The following HECTD4 variants were observed in gnomAD, a reference collection of about 807,000 sequenced individuals.
HECTD4 encodes the protein probable E3 ubiquitin-protein ligase HECTD4.
In HECTD4, 114 loss-of-function variants were observed where a neutral mutation model predicts 471.5. The observed-to-expected ratio is 0.24, with a 90% CI of 0.21 to 0.28. HECTD4 has a LOEUF of 0.28. HECTD4 is among the 10% of genes least tolerant of loss of function. The pLI is 1.00. For missense variants in HECTD4, 3,866 were observed against 5,651.5 expected (o/e 0.68, Z 10.13); for synonymous variants, 2,012 against 2,256.0 (o/e 0.89, Z 3.07).
intron 68 of HECTD4, 190 bp from the exon 69 acceptor site, chr12:112,170,642 C>T: frequency 1.7e-6 from 1 of 604,840 alleles, no homozygotes; most frequent in South Asian, 2.6e-5. Context: ...TCCCAGGAGA[C>T]ATCCAATTTC....
chr12:112,338,238 T>C (rs1468253), intron 1 of HECTD4, among the ~76,000 whole-genome samples: 55,748 of 152,126 alleles, frequency 0.37, 15,250 homozygotes, highest in East Asian at 0.85. Flanking sequence ...CTGTCTTATG[T>C]AGACACTTAT....
At position 112,200,646 on chromosome 12, in the gene HECTD4, T is replaced by A. The variant is rs1482550672; in HGVS notation, c.8559A>T (p.Gln2853His). The A allele has an allele frequency of 1.2e-6, 2 of 1,609,774 alleles. No homozygotes were observed. Among genetic ancestry groups the A allele is most frequent in the Non-Finnish European group, 1.7e-6 (2 of 1,177,190 alleles). ...GLVTLDNTNL[Q>H]IHRELLRCEA... ...GAAGGGCCCAATTGTACCTGTGAAT[T>A]TGAAGGTTGGTATTGTCCAGTGTGA... Residue 2853 changes from glutamine to histidine, a missense_variant, in exon 55 of 76, where the codon CAA (glutamine) becomes CAT (histidine). Gln to His is a conservative substitution (Grantham distance 24). Transcript: ENST00000682272.
chr12:112,209,879 C>G, intron 50 of HECTD4, 136 bp downstream of exon 50: 3 of 702,736 alleles, frequency 4.3e-6, no homozygotes, highest in Non-Finnish European at 7.4e-6. Flanking sequence ...AGGCCTGTGA[C>G]CCCATTACCA....
At position 112,235,221 on chromosome 12, in the gene HECTD4, G is replaced by A. The variant is rs755513621; in HGVS notation, c.5771C>T (p.Thr1924Ile). Reference protein sequence around the residue: ...LSPTASEPDTTLTKTSPKNSL... With the variant: ...LSPTASEPDTILTKTSPKNSL... Reference sequence around the variant, plus strand: ...ATTCTTGGGACTGGTTTTTGTCAATGTGGTGTCAGGTTCAGAAGCGGTTGG... The same window carrying A: ...ATTCTTGGGACTGGTTTTTGTCAATATGGTGTCAGGTTCAGAAGCGGTTGG... The change falls in exon 37 of 76, where the codon ACA (threonine) becomes ATA (isoleucine). Residue 1924 changes from threonine (T) to isoleucine (I), a missense_variant. Coordinates refer to ENST00000682272, the MANE Select transcript of HECTD4 (RefSeq NM_001388303.1). This position sits in a 1 kb window ranked among gnomAD's most constrained non-coding sequence, Gnocchi z 5.0. The A allele has an allele frequency of 1.1e-4, 174 of 1,613,842 alleles. 2 individuals are homozygous for A. The Middle Eastern group carries it at 1.3e-3, about 12-fold the overall frequency.
In HECTD4 at chr12:112,162,152, A is replaced by G; in HGVS notation, c.*235T>C. 2.0e-6 allele frequency: 1 copy of G among 506,758 alleles called. No individual in the cohort carries two copies. Among genetic ancestry groups the G allele is most frequent in the Non-Finnish European group, 3.5e-6 (1 of 283,452 alleles). The allele number at this position is 506,758 out of a possible 1,614,324, so 31.4% of individuals were successfully genotyped here. On this transcript the variant is annotated 3_prime_UTR_variant, in exon 76 of 76. Coordinates refer to ENST00000682272, the MANE Select transcript of HECTD4 (RefSeq NM_001388303.1). The surrounding 1 kb of genome is among the most constrained non-coding windows in gnomAD (Gnocchi z 5.2). ...ATTAGACACAAACTGTCTGGGAACT[A>G]AACTATCCTACAAATAGACCACAAA...
chr12:112,201,005 CATATT>C (rs1435455242), intron 54 of HECTD4: 38 of 593,726 alleles, frequency 6.4e-5, no homozygotes, highest in Middle Eastern at 3.0e-4. Flanking sequence ...TTTTGAAACA[CATATT>C]ATAAGTAATC....
At chr12:112,300,781 G>A (rs1046450605) in intron 7 of HECTD4, among the ~76,000 whole-genome samples, 1 of 151,546 alleles carries the variant, frequency 6.6e-6, no homozygotes, top group African/African-American at 2.4e-5. Context: ...AAAAATTTTT[G>A]TAGAGGTGGC....
chr12:112,226,702 A>G lies in HECTD4; in HGVS notation c.6911T>C (p.Ile2304Thr), dbSNP rs757362332. 2 of 1,613,330 alleles carry G rather than the reference A, an allele frequency of 1.2e-6. No individual in the cohort carries two copies. Among genetic ancestry groups the G allele is most frequent in the Non-Finnish European group, 1.7e-6 (2 of 1,179,550 alleles). ...LEDSLFCEEF[I>T]QQCPAAVEVL... ...TTCAACAGCTGCTGGACATTGTTGTATGAATTCTTCACAAAATAAGCTGTC... is the reference window on the plus strand; with the variant it reads ...TTCAACAGCTGCTGGACATTGTTGTGTGAATTCTTCACAAAATAAGCTGTC... Residue 2304 changes from isoleucine to threonine, a missense_variant, in exon 44 of 76, where the codon ATA becomes ACA. Ile to Thr is a moderately conservative substitution (Grantham distance 89). Transcript: ENST00000682272.
intron 62 of HECTD4, among the ~76,000 whole-genome samples, chr12:112,181,304 T>C (rs950603265): frequency 2.6e-5 from 4 of 152,156 alleles, no homozygotes; most frequent in Admixed American, 2.6e-4. Context: ...ATTTTAACAC[T>C]TTGCTGATCA....
intron 72 of HECTD4, among the ~76,000 whole-genome samples, chr12:112,164,958 G>A (rs2030876018): frequency 6.9e-6 from 1 of 144,068 alleles, no homozygotes; most frequent in African/African-American, 2.6e-5. Context: ...ACAGATTCTC[G>A]CTCTGTCAGC....
chr12:112,256,845 C>A, intron 20 of HECTD4: 4 of 158,552 alleles, frequency 2.5e-5, no homozygotes, highest in East Asian at 1.9e-4. Flanking sequence ...GATCAATTCT[C>A]ATTTAAAGGT....
chr12:112,193,310 G>C lies in HECTD4; in HGVS notation c.8956-119C>G. The C allele has an allele frequency of 1.7e-5, 24 of 1,381,444 alleles. No individual in the cohort carries two copies. The highest frequency in any genetic ancestry group is 2.4e-5 in the Non-Finnish European group (24 of 1,006,484). The allele number at this position is 1,381,444 out of a possible 1,614,324, so 85.6% of individuals were successfully genotyped here. The stretch of plus-strand genomic sequence containing the variant: ...CGACTAAATAGCCCTCTGGAAGGAA[G>C]CAAGCTACAGATGAGATAAAGCAGA... On this transcript the variant is annotated intron_variant, in intron 57 of 75. Transcript: ENST00000682272. The surrounding 1 kb of genome is among the most constrained non-coding windows in gnomAD (Gnocchi z 5.2).
chr12:112,297,737 T>G (rs927877252), intron 7 of HECTD4, among the ~76,000 whole-genome samples: 14 of 152,084 alleles, frequency 9.2e-5, no homozygotes, highest in African/African-American at 3.4e-4. Flanking sequence ...AAGTCTAATA[T>G]TCTGTGCACA....
At chr12:112,350,284 T>C (rs955357648) in intron 1 of HECTD4, among the ~76,000 whole-genome samples, 38 of 152,218 alleles carry the variant, frequency 2.5e-4, no homozygotes, top group African/African-American at 4.8e-5. Flanking sequence ...AAATGTCTTC[T>C]TAGAACTCTA....
chr12:112,319,713 C>T lies in HECTD4; in HGVS notation c.207G>A (p.Ser69=), dbSNP rs527310508. 5.0e-5 allele frequency: 62 copies of T among 1,249,288 alleles called. No homozygotes were observed. Among genetic ancestry groups the T allele is most frequent in the Admixed American group, 7.7e-5 (2 of 26,010 alleles). The allele number at this position is 1,249,288 out of a possible 1,614,324, so 77.4% of individuals were successfully genotyped here. The change falls in exon 2 of 76, where the codon TCG becomes TCA. Residue 69 remains serine, a synonymous_variant. Transcript: ENST00000682272. The surrounding 1 kb of genome is among the most constrained non-coding windows in gnomAD (Gnocchi z 5.3). ...CAGAGCGCAAACGTTCTGCTAATTCCGACGGGTTCTTGGTCTCAAAGGTTA... is the reference window on the plus strand; with the variant it reads ...CAGAGCGCAAACGTTCTGCTAATTCTGACGGGTTCTTGGTCTCAAAGGTTA... The part of the protein sequence containing the change: ...EILTFETKNP[S]ELAERLRSVC...
At chr12:112,177,626 C>A (rs1028240070) in intron 64 of HECTD4, among the ~76,000 whole-genome samples, 1 of 152,142 alleles carries the variant, frequency 6.6e-6, no homozygotes, top group Non-Finnish European at 1.5e-5. Context: ...GTGAACCGCC[C>A]ATCTCGGCCT....
At chr12:112,259,859 T>G (rs1428765703) in intron 18 of HECTD4, among the ~76,000 whole-genome samples, 3 of 152,152 alleles carry the variant, frequency 2.0e-5, no homozygotes, top group African/African-American at 7.2e-5. Flanking sequence ...TTGATTCACC[T>G]GCCCAGAGCT....
At chr12:112,325,875 CTGGAGTGCAGTGG>C (rs2035732431) in intron 1 of HECTD4, among the ~76,000 whole-genome samples, 1 of 150,948 alleles carries the variant, frequency 6.6e-6, no homozygotes. Flanking sequence ...ACCCAGGCTG[CTGGAGTGCAGTGG>C]AACGATCATG....
At chr12:112,180,805 C>T (rs766542597) in intron 62 of HECTD4, among the ~76,000 whole-genome samples, 1 of 152,136 alleles carries the variant, frequency 6.6e-6, no homozygotes, top group Non-Finnish European at 1.5e-5. Context: ...GCAAAACGCA[C>T]GCCAATGTGG....
Sources: gnomAD v4.1 joint callset for allele counts (sites outside exome capture counted in the v4.1 genomes callset) on GRCh38, gnomAD v4.1.1 for gene constraint, Gnocchi (gnomAD v3.1) non-coding constraint, MANE v1.5 for transcripts, NCBI Gene and HGNC (gene_info 2026-07-23, HGNC 2026-07-21) for gene names.